UVRAG: variants seen among roughly 807,000 people sequenced by gnomAD.
UVRAG encodes UV radiation resistance associated, also known as UV radiation resistance-associated gene protein.
A neutral mutation model predicts 78.0 loss-of-function variants in UVRAG; 19 were observed. The ratio of observed to expected loss-of-function variants is 0.24; its 90% CI spans 0.17 to 0.36. UVRAG has a LOEUF of 0.36. Among genes scored for constraint, UVRAG ranks in the 10% least tolerant of loss-of-function variants. The pLI, the probability that UVRAG is intolerant of heterozygous loss-of-function variation, is 1.00. For missense variants in UVRAG, 740 were observed against 853.8 expected (o/e 0.87, Z 1.66); for synonymous variants, 323 against 324.6 (o/e 1.00, Z 0.05).
At chr11:75,849,329 C>A (rs1471963290) in intron 1 of UVRAG, among the ~76,000 whole-genome samples, 1 of 151,866 alleles carries the variant, frequency 6.6e-6, no homozygotes, top group Non-Finnish European at 1.5e-5. Context: ...CACAGTGAAA[C>A]CCCCTCTCTA....
chr11:76,054,245 T>A (rs1308561248), intron 12 of UVRAG, among the ~76,000 whole-genome samples: 1 of 152,160 alleles, frequency 6.6e-6, no homozygotes, highest in Admixed American at 6.6e-5. Flanking sequence ...CTCTCACACC[T>A]CATAGAAGAT....
chr11:76,137,323 C>T (rs1156272603), intron 14 of UVRAG: 1 of 455,616 alleles, frequency 2.2e-6, no homozygotes, highest in East Asian at 7.0e-5. Flanking sequence ...ACCTCCAGAC[C>T]TGCGTCCTAC....
intron 14 of UVRAG, among the ~76,000 whole-genome samples, chr11:76,121,923 C>T (rs530100677): frequency 2.6e-5 from 4 of 152,214 alleles, no homozygotes; most frequent in Admixed American, 2.6e-4. Context: ...CCGAGTCTTA[C>T]CCACTAGGCT....
intron 12 of UVRAG, among the ~76,000 whole-genome samples, chr11:76,035,917 AT>A (rs1223184702): frequency 1.3e-5 from 2 of 152,192 alleles, no homozygotes; most frequent in Non-Finnish European, 2.9e-5. Context: ...CCCTTGTCTC[AT>A]GAGTAAATAC....
At chr11:76,124,391 G>A (rs1487202063) in intron 14 of UVRAG, among the ~76,000 whole-genome samples, 1 of 152,168 alleles carries the variant, frequency 6.6e-6, no homozygotes, top group Non-Finnish European at 1.5e-5. Flanking sequence ...TGAAGGACAT[G>A]ACTTGCAGGA....
At chr11:76,088,215 C>T (rs893295209) in intron 13 of UVRAG, among the ~76,000 whole-genome samples, 2 of 152,192 alleles carry the variant, frequency 1.3e-5, no homozygotes, top group Admixed American at 1.3e-4. Context: ...GTAATGACAT[C>T]AGTGATACCA....
At chr11:75,986,083 C>T (rs1415761257) in intron 8 of UVRAG, among the ~76,000 whole-genome samples, 1 of 152,136 alleles carries the variant, frequency 6.6e-6, no homozygotes, top group Non-Finnish European at 1.5e-5. Flanking sequence ...TGTCATACCT[C>T]ATTGCTGGGA....
chr11:75,825,076 A>C (rs1945483168), intron 1 of UVRAG, among the ~76,000 whole-genome samples: 1 of 151,578 alleles, frequency 6.6e-6, no homozygotes. Flanking sequence ...TTTTAGGTTT[A>C]TGCTTTGTTT....
chr11:76,126,599 G>A (rs184799675), intron 14 of UVRAG, among the ~76,000 whole-genome samples: 127 of 152,192 alleles, frequency 8.3e-4, no homozygotes, highest in African/African-American at 2.8e-3. Flanking sequence ...TAATGGCTAC[G>A]TAGTATTTCA....
At chr11:75,933,900 T>C (rs1948300060) in intron 6 of UVRAG, among the ~76,000 whole-genome samples, 1 of 152,150 alleles carries the variant, frequency 6.6e-6, no homozygotes, top group Non-Finnish European at 1.5e-5. Flanking sequence ...ACACTGTTAG[T>C]GGAAATGTAA....
chr11:76,090,065 A>G (rs1951666855), intron 13 of UVRAG, among the ~76,000 whole-genome samples: 1 of 152,140 alleles, frequency 6.6e-6, no homozygotes, highest in Admixed American at 6.6e-5. Flanking sequence ...CCCTTTAGAA[A>G]GACTTCCTGC....
At chr11:75,913,710 G>C (rs978566226) in intron 6 of UVRAG, among the ~76,000 whole-genome samples, 1 of 152,122 alleles carries the variant, frequency 6.6e-6, no homozygotes, top group Admixed American at 6.5e-5. Context: ...ATGCTTTGAC[G>C]GTTTTCTGAC....
In UVRAG at chr11:76,139,578, A is replaced by G. The variant is rs1281488772; in HGVS notation, c.1398-1133A>G. ...TTCCTCATCTGAAGCACGCAAGTCAAATGATCTGTGTGTGCCTCCCTCTGC... is the reference window on the plus strand; with the variant it reads ...TTCCTCATCTGAAGCACGCAAGTCAGATGATCTGTGTGTGCCTCCCTCTGC... On this transcript the variant is annotated intron_variant, in intron 14 of 14. Transcript: ENST00000356136. Among the ~76,000 whole-genome samples the G allele has an allele frequency of 3.3e-5, 5 of 152,050 alleles. No individual in the cohort carries two copies. The South Asian group carries it at 8.3e-4, about 25-fold the overall frequency.
intron 13 of UVRAG, among the ~76,000 whole-genome samples, chr11:76,076,623 A>G (rs951548806): frequency 1.1e-4 from 17 of 152,148 alleles, no homozygotes; most frequent in Non-Finnish European, 2.1e-4. Flanking sequence ...ATCCTCACCA[A>G]CACTTATTTT....
At chr11:76,028,768 T>A (rs1274733337) in intron 12 of UVRAG, among the ~76,000 whole-genome samples, 1 of 151,988 alleles carries the variant, frequency 6.6e-6, no homozygotes, top group Non-Finnish European at 1.5e-5. Flanking sequence ...GTTAATGAGG[T>A]TTAAGGAAAG....
intron 13 of UVRAG, among the ~76,000 whole-genome samples, chr11:76,079,607 A>G (rs1951462412): frequency 6.6e-6 from 1 of 152,248 alleles, no homozygotes; most frequent in African/African-American, 2.4e-5. Context: ...TGTAAGTCCA[A>G]TACAATATGG....
At chr11:75,953,500 C>T (rs554947042) in intron 6 of UVRAG, among the ~76,000 whole-genome samples, 19 of 152,168 alleles carry the variant, frequency 1.2e-4, no homozygotes, top group South Asian at 1.2e-3. Context: ...CTCTGCAAGC[C>T]GTAGGGAACT....
chr11:75,863,262 T>C (rs1489049476), intron 3 of UVRAG, among the ~76,000 whole-genome samples: 1 of 152,240 alleles, frequency 6.6e-6, no homozygotes. Context: ...CCTAGCATCA[T>C]GCTTGATGTA....
chr11:76,099,985 T>C (rs980574893), intron 13 of UVRAG, among the ~76,000 whole-genome samples: 1 of 152,132 alleles, frequency 6.6e-6, no homozygotes, highest in Admixed American at 6.5e-5. Flanking sequence ...TGAACATCTC[T>C]GTCTTATGCT....
Sources: allele counts gnomAD v4.1 joint callset (sites outside exome capture counted in the v4.1 genomes callset), GRCh38; gene constraint gnomAD v4.1.1; transcripts MANE v1.5; gene names NCBI Gene and HGNC (gene_info 2026-07-23, HGNC 2026-07-21).